SLC39A12: variants seen among roughly 807,000 people sequenced by gnomAD.
The protein encoded by SLC39A12 is zinc transporter ZIP12.
Under a neutral mutation model 71.1 loss-of-function variants are expected in SLC39A12, and 63 were observed. The observed-to-expected ratio is 0.89, with a 90% CI of 0.72 to 1.09. SLC39A12 has a LOEUF of 1.09. Among genes scored for constraint, SLC39A12 ranks in the 50% least tolerant of loss-of-function variants. SLC39A12 has a pLI of 0.00. For synonymous variants in SLC39A12, 351 were observed against 301.3 expected (o/e 1.16, Z -1.71); for missense variants, 892 against 812.6 (o/e 1.10, Z -1.19).
At chr10:18,029,854 C>T (rs1187433457) in intron 12 of SLC39A12, among the ~76,000 whole-genome samples, 2 of 150,414 alleles carry the variant, frequency 1.3e-5, no homozygotes, top group Admixed American at 1.3e-4. Context: ...TCATATGAAC[C>T]TTTATTTTCC....
chr10:18,013,975 A>G (rs1836305173), intron 12 of SLC39A12, among the ~76,000 whole-genome samples: 1 of 152,164 alleles, frequency 6.6e-6, no homozygotes, highest in Non-Finnish European at 1.5e-5. Context: ...TATGAATTTT[A>G]GGGTTAATTT....
intron 9 of SLC39A12, among the ~76,000 whole-genome samples, chr10:17,994,081 A>C (rs1444363082): frequency 3.3e-5 from 5 of 152,168 alleles, no homozygotes. Flanking sequence ...TTTCCTTTAA[A>C]ATACGATTTT....
At chr10:18,000,516 T>G in intron 10 of SLC39A12, 151 bp from the exon 11 acceptor site, 1 of 706,114 alleles carries the variant, frequency 1.4e-6, no homozygotes. Context: ...GAATCTCTAG[T>G]CCTGACTTTT....
At chr10:17,980,879 A>T (rs1207871767) in intron 5 of SLC39A12, among the ~76,000 whole-genome samples, 1 of 152,218 alleles carries the variant, frequency 6.6e-6, no homozygotes, top group Non-Finnish European at 1.5e-5. Context: ...CAGGCTGACT[A>T]AATCAAACAG....
chr10:18,031,368 T>A (rs1190195236), intron 12 of SLC39A12, among the ~76,000 whole-genome samples: 1 of 139,176 alleles, frequency 7.2e-6, no homozygotes, highest in East Asian at 2.1e-4. Context: ...TATCTCATAG[T>A]GGTTTTGATT....
At chr10:17,966,785 CAT>C (rs953088615) in intron 4 of SLC39A12, among the ~76,000 whole-genome samples, 11 of 151,840 alleles carry the variant, frequency 7.2e-5, no homozygotes, top group African/African-American at 2.7e-4. Flanking sequence ...GCCTGGCCAA[CAT>C]AGTGAAACCT....
intron 10 of SLC39A12, among the ~76,000 whole-genome samples, chr10:17,996,964 G>C (rs1253836165): frequency 7.0e-6 from 1 of 142,840 alleles, no homozygotes; most frequent in African/African-American, 2.6e-5. Flanking sequence ...GCAGTGAGCC[G>C]AGATCGCGCC....
At chr10:18,014,339 G>A (rs1836318635) in intron 12 of SLC39A12, among the ~76,000 whole-genome samples, 1 of 151,866 alleles carries the variant, frequency 6.6e-6, no homozygotes, top group South Asian at 2.1e-4. Flanking sequence ...TTTGGATTTT[G>A]TTTTAACATC....
chr10:18,030,542 T>A (rs1402057546), intron 12 of SLC39A12, among the ~76,000 whole-genome samples: 1 of 151,958 alleles, frequency 6.6e-6, no homozygotes, highest in Non-Finnish European at 1.5e-5. Flanking sequence ...CCCGGCCAAG[T>A]CTTTTCAAAC....
intron 12 of SLC39A12, among the ~76,000 whole-genome samples, chr10:18,036,778 A>T (rs1564665940): frequency 0.029 from 207 of 7,108 alleles, 8 homozygotes; most frequent in African/African-American, 0.1. Flanking sequence ...ATATATATAT[A>T]TATATATATA....
At chr10:17,953,643 A>C (rs1368868688) in intron 2 of SLC39A12, 106 bp downstream of exon 2, 1 of 1,318,922 alleles carries the variant, frequency 7.6e-7, no homozygotes, top group Non-Finnish European at 1.0e-6. Flanking sequence ...AAATCTTCCA[A>C]TATGCAATTG....
rs867022520 is a variant in SLC39A12 at position 18,011,583 on chromosome 10, C to T, written c.1947+8225C>T. ...CATGAATTTTCAACTGTGCAGGGAT[C>T]AGCATCCTAACCCCCACATTGTTCA... On this transcript the variant is annotated intron_variant, in intron 12 of 12. Transcript: ENST00000377369. Among the ~76,000 whole-genome samples the T allele has an allele frequency of 7.2e-5, 11 of 152,176 alleles. No individual in the cohort carries two copies. In the South Asian group the frequency reaches 8.3e-4, roughly 11 times the overall value.
chr10:18,033,644 A>C (rs913407213), intron 12 of SLC39A12, among the ~76,000 whole-genome samples: 1 of 144,818 alleles, frequency 6.9e-6, no homozygotes, highest in Admixed American at 6.9e-5. Context: ...TTGTGTCTCT[A>C]TTTCCTTCAG....
At chr10:17,988,176 C>G (rs141650486) in intron 7 of SLC39A12, among the ~76,000 whole-genome samples, 1 of 152,236 alleles carries the variant, frequency 6.6e-6, no homozygotes, top group Non-Finnish European at 1.5e-5. Context: ...GGCATAGTGC[C>G]ATGCGTCTGT....
At chr10:18,034,646 C>A (rs1388629351) in intron 12 of SLC39A12, among the ~76,000 whole-genome samples, 3 of 151,260 alleles carry the variant, frequency 2.0e-5, no homozygotes, top group African/African-American at 7.3e-5. Flanking sequence ...AGTCCATTTA[C>A]ATTTAAAGTT....
intron 12 of SLC39A12, chr10:18,007,058 C>G (rs1050576444): frequency 5.9e-5 from 9 of 152,456 alleles, no homozygotes; most frequent in African/African-American, 1.9e-4. Flanking sequence ...CCCCAAGTCC[C>G]TTCGTGGTGG....
At chr10:17,990,246 T>C (rs1298536232) in intron 7 of SLC39A12, among the ~76,000 whole-genome samples, 2 of 152,126 alleles carry the variant, frequency 1.3e-5, no homozygotes, top group East Asian at 3.8e-4. Context: ...CTAACATATA[T>C]TGGTTTTTAG....
intron 12 of SLC39A12, among the ~76,000 whole-genome samples, chr10:18,019,952 C>T (rs1023471139): frequency 6.6e-5 from 10 of 151,990 alleles, no homozygotes; most frequent in Non-Finnish European, 1.2e-4. Context: ...TCAACTATGT[C>T]TACTGATTTT....
intron 12 of SLC39A12, among the ~76,000 whole-genome samples, chr10:18,036,406 G>A (rs1248479814): frequency 6.6e-6 from 1 of 152,000 alleles, no homozygotes; most frequent in Non-Finnish European, 1.5e-5. Context: ...GGAGTGACCC[G>A]ATTTTCCAGG....
Sources: gnomAD v4.1 joint callset for allele counts (sites outside exome capture counted in the v4.1 genomes callset) on GRCh38, gnomAD v4.1.1 for gene constraint, MANE v1.5 for transcripts, NCBI Gene and HGNC (gene_info 2026-07-23, HGNC 2026-07-21) for gene names.